Variants in PTPRK observed in about 807,000 individuals in gnomAD.
PTPRK encodes protein tyrosine phosphatase receptor type K.
In PTPRK, 75 loss-of-function variants were observed where a neutral mutation model predicts 178.0. That is an observed-to-expected ratio of 0.42 (90% confidence interval 0.35 to 0.51). PTPRK has a LOEUF of 0.51. PTPRK is among the 20% of genes least tolerant of loss of function. The pLI is 0.02. For missense variants in PTPRK, 1,441 were observed against 1,797.8 expected, an observed-to-expected ratio of 0.80 and a Z score of 3.59; for synonymous variants, 637 against 620.6, an observed-to-expected ratio of 1.03 and a Z score of -0.39.
intron 7 of PTPRK, among the ~76,000 whole-genome samples, chr6:128,182,775 A>G (rs1802132055): frequency 6.6e-6 from 1 of 152,160 alleles, no homozygotes; most frequent in Non-Finnish European, 1.5e-5. Flanking sequence ...TCAAAACACA[A>G]TATTATTTAC....
chr6:128,190,994 T>C (rs1803693228), intron 6 of PTPRK, among the ~76,000 whole-genome samples: 1 of 152,152 alleles, frequency 6.6e-6, no homozygotes, highest in South Asian at 2.1e-4. Context: ...TGTCTGCATA[T>C]AGCTATGATG....
At chr6:128,015,677 T>A (rs1183661907) in intron 13 of PTPRK, among the ~76,000 whole-genome samples, 2 of 151,818 alleles carry the variant, frequency 1.3e-5, no homozygotes, top group African/African-American at 4.8e-5. Flanking sequence ...CAACCTCATC[T>A]TCTGAGACAC....
At chr6:128,438,413 GA>G (rs1304317370) in intron 1 of PTPRK, among the ~76,000 whole-genome samples, 5 of 152,210 alleles carry the variant, frequency 3.3e-5, no homozygotes, top group African/African-American at 9.7e-5. Flanking sequence ...AATTCTGTAA[GA>G]AGAATCTACT....
chr6:127,974,816 T>C (rs1270267324), intron 27 of PTPRK, among the ~76,000 whole-genome samples: 2 of 152,220 alleles, frequency 1.3e-5, no homozygotes, highest in Non-Finnish European at 2.9e-5. Context: ...TACACGGAAA[T>C]CTTTTTTTCC....
chr6:128,289,993 A>C (rs1284902164), intron 3 of PTPRK, among the ~76,000 whole-genome samples: 1 of 152,158 alleles, frequency 6.6e-6, no homozygotes, highest in Non-Finnish European at 1.5e-5. Context: ...TTGATTTGTG[A>C]AGCAGTAACA....
chr6:128,153,769 A>G (rs4897247), intron 7 of PTPRK, among the ~76,000 whole-genome samples: 3,320 of 152,098 alleles, frequency 0.022, 98 homozygotes, highest in African/African-American at 0.046. Flanking sequence ...CATGAAATTC[A>G]GCAAGATTTT....
rs1447274850 is a variant in PTPRK, at chr6:128,317,583, A to T, written c.495+4456T>A. Among the ~76,000 whole-genome samples, 7 of 152,190 alleles carry T rather than the reference A, an allele frequency of 4.6e-5. No homozygotes were observed. The East Asian group carries it at 1.3e-3, about 29-fold the overall frequency. On this transcript the variant is annotated intron_variant, in intron 3 of 29. Transcript: ENST00000368226. ...TTAAGACACAACATGATGTATAACAATGCTTTTGGCTGCACAGGAGAATAG... is the reference window on the plus strand; with the variant it reads ...TTAAGACACAACATGATGTATAACATTGCTTTTGGCTGCACAGGAGAATAG...
chr6:128,222,428 A>G (rs1485143827), intron 5 of PTPRK, among the ~76,000 whole-genome samples: 2 of 152,116 alleles, frequency 1.3e-5, no homozygotes, highest in Non-Finnish European at 2.9e-5. Context: ...GTGCCCACAT[A>G]TCATTCCCAT....
chr6:128,298,409 G>T lies in PTPRK; in HGVS notation c.495+23630C>A, dbSNP rs182075157. 1.7e-4 allele frequency among the ~76,000 whole-genome samples: 25 copies of T among 150,224 alleles called. 1 individual carries two copies. The highest frequency in any genetic ancestry group is 4.0e-4 in the African/African-American group (16 of 39,706). On this transcript the variant is annotated intron_variant, in intron 3 of 29. Coordinates refer to ENST00000368226, the MANE Select transcript of PTPRK (RefSeq NM_002844.4). ...CCAGCATCATCCTGATACCAAAGCC[G>T]GGCAGAGACACAACCAAAAAAGACC...
intron 13 of PTPRK, among the ~76,000 whole-genome samples, chr6:128,050,771 G>T (rs1778865515): frequency 1.3e-5 from 2 of 152,118 alleles, no homozygotes; most frequent in South Asian, 2.1e-4. Flanking sequence ...GAACTCCTGG[G>T]CTCAAGCAAT....
chr6:128,074,375 A>G (rs913684551), intron 11 of PTPRK, among the ~76,000 whole-genome samples: 3 of 152,028 alleles, frequency 2.0e-5, no homozygotes, highest in African/African-American at 7.2e-5. Flanking sequence ...TCATTCTTTG[A>G]AAACACAGCT....
intron 8 of PTPRK, among the ~76,000 whole-genome samples, chr6:128,086,240 T>G (rs969389471): frequency 6.6e-6 from 1 of 152,144 alleles, no homozygotes; most frequent in Non-Finnish European, 1.5e-5. Context: ...TGGGGCAAGA[T>G]TATATTAGAT....
intron 13 of PTPRK, among the ~76,000 whole-genome samples, chr6:128,017,866 C>T (rs1378379525): frequency 7.5e-6 from 1 of 133,286 alleles, no homozygotes; most frequent in Non-Finnish European, 1.6e-5. Flanking sequence ...GATATCTCCA[C>T]CAGCCACTGT....
chr6:128,246,510 G>A (rs1237365456), intron 3 of PTPRK, among the ~76,000 whole-genome samples: 2 of 151,788 alleles, frequency 1.3e-5, no homozygotes, highest in African/African-American at 2.4e-5. Context: ...CCTCATTAAC[G>A]AGAGCTAGAA....
intron 13 of PTPRK, among the ~76,000 whole-genome samples, chr6:128,015,904 C>T (rs946950636): frequency 1.5e-4 from 23 of 151,794 alleles, no homozygotes; most frequent in Admixed American, 1.1e-3. Flanking sequence ...TATCTTACCA[C>T]TTTGTATTAT....
At chr6:128,045,051 AC>A (rs1777827616) in intron 13 of PTPRK, among the ~76,000 whole-genome samples, 1 of 152,008 alleles carries the variant, frequency 6.6e-6, no homozygotes, top group African/African-American at 2.4e-5. Context: ...CTCTGCTTAC[AC>A]CCAGTCCCAG....
chr6:128,052,097 A>G (rs114172989), intron 13 of PTPRK, among the ~76,000 whole-genome samples: 204 of 152,308 alleles, frequency 1.3e-3, no homozygotes, highest in African/African-American at 4.7e-3. Context: ...TCTGCTCCCC[A>G]TATTTTAGTA....
chr6:128,399,324 G>A (rs1486895595), intron 1 of PTPRK, among the ~76,000 whole-genome samples: 1 of 152,208 alleles, frequency 6.6e-6, no homozygotes, highest in Non-Finnish European at 1.5e-5. Flanking sequence ...GAGATGTCAT[G>A]GTGGCACTAC....
At chr6:127,994,490 G>T (rs1414874222) in intron 18 of PTPRK, among the ~76,000 whole-genome samples, 5 of 151,756 alleles carry the variant, frequency 3.3e-5, no homozygotes, top group Admixed American at 1.3e-4. Context: ...AAGTGATGAG[G>T]TTAGTACTGT....
Sources: allele counts gnomAD v4.1 joint callset (sites outside exome capture counted in the v4.1 genomes callset), GRCh38; gene constraint gnomAD v4.1.1; transcripts MANE v1.5; gene names NCBI Gene and HGNC (gene_info 2026-07-23, HGNC 2026-07-21).